The following LCA5L variants were observed in gnomAD, a reference collection of about 807,000 sequenced individuals.
The protein encoded by LCA5L is lebercilin LCA5 like, also known as lebercilin-like protein.
In LCA5L, 35 loss-of-function variants were observed where a neutral mutation model predicts 45.4. The ratio of observed to expected loss-of-function variants is 0.77; its 90% CI spans 0.59 to 1.02. LCA5L has a LOEUF of 1.02. LCA5L is among the 50% of genes least tolerant of loss of function. The pLI is 0.00. For missense variants in LCA5L, 668 were observed against 761.6 expected (o/e 0.88, Z 1.45); for synonymous variants, 233 against 264.7 (o/e 0.88, Z 1.16).
At position 39,406,356 on chromosome 21, in the gene LCA5L, G is replaced by T. The variant is rs780739817; in HGVS notation, c.1539C>A (p.Tyr513Ter). 8 of 1,614,180 alleles carry T rather than the reference G, an allele frequency of 5.0e-6. No individual in the cohort carries two copies. The highest frequency in any genetic ancestry group is 5.9e-6 in the Non-Finnish European group (7 of 1,180,016). ...TTCTTTGTCTGAGGGGGCCTTTCGT[G>T]TAGGGAGCAGTGCCTTTGCCAAGTG... ...DDTLGKGTAP[Y>*]TKGPLRQRRH... The change falls in exon 11 of 11, where the codon TAC becomes TAA. Residue 513 changes from tyrosine to a stop codon, truncating the protein, a stop_gained. Transcript: ENST00000288350. LOFTEE classifies it low-confidence loss of function (END_TRUNC).
chr21:39,406,696 G>T, intron 10 of LCA5L, 84 bp from the exon 11 acceptor site: 1 of 1,029,426 alleles, frequency 9.7e-7, no homozygotes, highest in Non-Finnish European at 1.4e-6. Flanking sequence ...ACACTTACGT[G>T]CACCGCCTCA....
chr21:39,411,172 G>C (rs2040032992), intron 8 of LCA5L: 1 of 283,192 alleles, frequency 3.5e-6, no homozygotes, highest in Non-Finnish European at 6.9e-6. Flanking sequence ...GACAACCTAG[G>C]CTATTGTGAC....
chr21:39,431,963 T>A (rs530760297), intron 3 of LCA5L, among the ~76,000 whole-genome samples: 29 of 152,238 alleles, frequency 1.9e-4, no homozygotes, highest in Non-Finnish European at 4.1e-4. Context: ...AACTTCAGAT[T>A]AATTGCTGTG....
intron 3 of LCA5L, among the ~76,000 whole-genome samples, chr21:39,432,743 T>G (rs1364413978): frequency 6.6e-6 from 1 of 152,238 alleles, no homozygotes; most frequent in Non-Finnish European, 1.5e-5. Context: ...TTATAGAGTT[T>G]TATATAAATG....
At chr21:39,414,489 T>A (rs2837015) in intron 7 of LCA5L, among the ~76,000 whole-genome samples, 34,937 of 152,034 alleles carry the variant, frequency 0.23, 4,354 homozygotes, top group African/African-American at 0.32. Context: ...AAGCTCAAAC[T>A]ATGACTTTCG....
rs751731732 is a variant in LCA5L at position 39,428,462 on chromosome 21, A to G, written c.32T>C (p.Ile11Thr). 3.1e-6 allele frequency: 5 copies of G among 1,608,656 alleles called. No individual in the cohort carries two copies. The highest frequency in any genetic ancestry group is 1.3e-5 in the African/African-American group (1 of 74,576). Reference protein sequence around the residue: MSLADLTKTNIDEHFFGVALE... With the variant: MSLADLTKTNTDEHFFGVALE... ...TGCCACGCCGAAGAAATGCTCATCTATATTTGTTTTTGTTAGATCAGCCAA... is the reference window on the plus strand; with the variant it reads ...TGCCACGCCGAAGAAATGCTCATCTGTATTTGTTTTTGTTAGATCAGCCAA... The change falls in exon 5 of 11, where the codon ATA becomes ACA. Residue 11 changes from isoleucine to threonine, a missense_variant. Ile to Thr is a moderately conservative substitution (Grantham distance 89). Transcript: ENST00000288350.
chr21:39,419,052 AAAATTT>A (rs926163502), intron 7 of LCA5L, among the ~76,000 whole-genome samples: 1 of 152,056 alleles, frequency 6.6e-6, no homozygotes, highest in Non-Finnish European at 1.5e-5. Context: ...TTACAAAGGG[AAAATTT>A]TCTTTCTTTC....
At chr21:39,440,512 C>T (rs932333677) in intron 2 of LCA5L, among the ~76,000 whole-genome samples, 22 of 151,876 alleles carry the variant, frequency 1.4e-4, no homozygotes, top group African/African-American at 3.4e-4. Context: ...CACTCCAGCC[C>T]GGACAAGAGT....
At chr21:39,417,505 A>G (rs530405119) in intron 7 of LCA5L, among the ~76,000 whole-genome samples, 5 of 152,336 alleles carry the variant, frequency 3.3e-5, no homozygotes, top group African/African-American at 1.2e-4. Flanking sequence ...AATGTAGGCA[A>G]ATAGATGGAT....
chr21:39,440,432 G>A (rs1191096166), intron 2 of LCA5L, among the ~76,000 whole-genome samples: 1 of 152,148 alleles, frequency 6.6e-6, no homozygotes, highest in Non-Finnish European at 1.5e-5. Context: ...GCTGGGTGTG[G>A]TGGTACACAC....
At position 39,406,487 on chromosome 21, in the gene LCA5L, G is replaced by T; in HGVS notation, c.1408C>A (p.Pro470Thr). The T allele has an allele frequency of 1.2e-6, 2 of 1,613,664 alleles. No individual in the cohort carries two copies. The highest frequency in any genetic ancestry group is 8.5e-7 in the Non-Finnish European group (1 of 1,179,914). Residue 470 changes from proline (P) to threonine (T), a missense_variant, in exon 11 of 11, where the codon CCA becomes ACA. By Grantham distance (38) the Pro-to-Thr change is conservative. Transcript: ENST00000288350. The part of the protein sequence containing the change: ...IFVKEEQELP[P>T]KIIEVIHPER... ...GGATGAATAACTTCAATTATTTTTG[G>T]TGGTAGTTCTTGCTCTTCTTTCACA... is the stretch of plus-strand genomic sequence containing the variant.
intron 5 of LCA5L, chr21:39,427,653 ACT>A (rs1010722960): frequency 2.7e-5 from 4 of 146,710 alleles, no homozygotes; most frequent in Non-Finnish European, 6.0e-5. Flanking sequence ...CCAGAGCAAG[ACT>A]CTGTCTCAAA....
At chr21:39,419,135 G>A (rs1335590758) in intron 7 of LCA5L, among the ~76,000 whole-genome samples, 1 of 152,010 alleles carries the variant, frequency 6.6e-6, no homozygotes, top group Non-Finnish European at 1.5e-5. Flanking sequence ...AACTCGTCCA[G>A]CTCCGCCCCA....
In LCA5L at chr21:39,423,372, C is replaced by T. The variant is rs771872757; in HGVS notation, c.441G>A (p.Arg147=). 6.2e-7 allele frequency: 1 copy of T among 1,612,190 alleles called. No individual in the cohort carries two copies. The highest frequency in any genetic ancestry group is 1.3e-5 in the African/African-American group (1 of 74,892). The change falls in exon 6 of 11, where the codon AGG becomes AGA. Residue 147 remains arginine, a synonymous_variant. Coordinates refer to ENST00000288350, the MANE Select transcript of LCA5L (RefSeq NM_152505.4). ...TTTTTAGTCCTTTAATTTTATGAAG[C>T]CTTGCTGAGAGTATTCGATGAGCCA... is the stretch of plus-strand genomic sequence containing the variant. ...DAMAHRILSA[R]LHKIKGLKNE... is the part of the protein sequence containing the mutation.
chr21:39,408,119 C>T (rs762706014), intron 10 of LCA5L, among the ~76,000 whole-genome samples: 4 of 152,212 alleles, frequency 2.6e-5, no homozygotes, highest in Non-Finnish European at 5.9e-5. Flanking sequence ...TTGCTCTTAC[C>T]CAGCCTTGCG....
chr21:39,423,636 C>T, intron 5 of LCA5L, 146 bp from the exon 6 acceptor site: 1 of 600,124 alleles, frequency 1.7e-6, no homozygotes, highest in Non-Finnish European at 2.7e-6. Flanking sequence ...GGGGACAAAA[C>T]TATCATTTAA....
intron 5 of LCA5L, among the ~76,000 whole-genome samples, chr21:39,426,727 A>G (rs2074772714): frequency 6.6e-6 from 1 of 152,230 alleles, no homozygotes; most frequent in African/African-American, 2.4e-5. Flanking sequence ...GAGATTTGTA[A>G]ATTTCAAATG....
Position 39,443,908 on chromosome 21 carries a change from C to G in LCA5L, c.-246+227G>C, listed in dbSNP as rs554489563. ...AATTAGCTGGGCATGGTGGCGTACA[C>G]CTGTAATCCCAGCTACTCAGGCCGA... On this transcript the variant is annotated intron_variant, in intron 2 of 10. Coordinates refer to ENST00000288350, the MANE Select transcript of LCA5L (RefSeq NM_152505.4). 2.0e-5 allele frequency: 3 copies of G among 152,192 alleles called. No homozygotes were observed. The South Asian group carries it at 6.2e-4, about 32-fold the overall frequency. 9.4% of individuals were successfully genotyped at this position (152,192 alleles called of 1,614,324 possible).
At chr21:39,428,566 C>T in intron 4 of LCA5L, 63 bp from the exon 5 acceptor site, 1 of 262,702 alleles carries the variant, frequency 3.8e-6, no homozygotes, top group Middle Eastern at 7.1e-4. Flanking sequence ...TAAAATGAAC[C>T]TATGCTTTAT....
Sources: allele counts gnomAD v4.1 joint callset (sites outside exome capture counted in the v4.1 genomes callset), GRCh38; gene constraint gnomAD v4.1.1; transcripts MANE v1.5; gene names NCBI Gene and HGNC (gene_info 2026-07-23, HGNC 2026-07-21).